ARHGAP22: variants seen among roughly 807,000 people sequenced by gnomAD.
ARHGAP22 encodes the protein rho GTPase-activating protein 22.
In ARHGAP22, 48 loss-of-function variants were observed where a neutral mutation model predicts 59.1. The ratio of observed to expected loss-of-function variants is 0.81; its 90% CI spans 0.64 to 1.03. The LOEUF is 1.03. Ranked by LOEUF, ARHGAP22 falls within the 50% of genes least tolerant of loss-of-function variation. ARHGAP22 has a pLI of 0.00. For synonymous variants in ARHGAP22, 445 were observed against 416.4 expected (o/e 1.07, Z -0.84); for missense variants, 1,015 against 958.7 (o/e 1.06, Z -0.78).
At chr10:48,623,392 G>T (rs2061347730) in intron 1 of ARHGAP22, among the ~76,000 whole-genome samples, 1 of 152,214 alleles carries the variant, frequency 6.6e-6, no homozygotes, top group African/African-American at 2.4e-5. Context: ...TCTTTGTCGA[G>T]AAAAGATTTC....
chr10:48,526,357 A>G (rs1303645696), intron 3 of ARHGAP22, among the ~76,000 whole-genome samples: 1 of 152,220 alleles, frequency 6.6e-6, no homozygotes, highest in Admixed American at 6.5e-5. Flanking sequence ...CCTCAGAAAG[A>G]CCAGGGTGAG....
intron 3 of ARHGAP22, among the ~76,000 whole-genome samples, chr10:48,520,901 A>G (rs1036606466): frequency 1.3e-5 from 2 of 152,148 alleles, no homozygotes; most frequent in African/African-American, 4.8e-5. Flanking sequence ...CCTGGAACAA[A>G]GCTGACTCCA....
At position 48,553,996 on chromosome 10, in the gene ARHGAP22, G is replaced by C. The variant is rs192348682; in HGVS notation, c.322+1467C>G. ...CACTACTTGCATTTCTTCTCTATCT[G>C]AATAGCTGAGGCCTTTTCTCCTGGT... On this transcript the variant is annotated intron_variant, in intron 3 of 9. Transcript: ENST00000249601. Among the ~76,000 whole-genome samples, 80 of 152,290 alleles carry C rather than the reference G, an allele frequency of 5.3e-4. 1 individual carries two copies. The highest frequency in any genetic ancestry group is 3.3e-3 in the South Asian group (16 of 4,826).
At chr10:48,543,508 A>G (rs553037339) in intron 3 of ARHGAP22, among the ~76,000 whole-genome samples, 8 of 152,344 alleles carry the variant, frequency 5.3e-5, no homozygotes, top group African/African-American at 1.9e-4. Context: ...AAGGAAAAAA[A>G]GTGCCATTAA....
chr10:48,435,251 G>GT, the ARHGAP22 span: 1 of 435,994 alleles, frequency 2.3e-6, no homozygotes, highest in African/African-American at 2.0e-5. Context: ...TTTTTTTGCT[G>GT]TAATTAACTG....
the ARHGAP22 span, among the ~76,000 whole-genome samples, chr10:48,440,217 A>T: frequency 1.1e-4 from 17 of 151,976 alleles, no homozygotes; most frequent in East Asian, 1.9e-4. Context: ...TTTAAGAAAA[A>T]TTTTTTTAGC....
rs529754818 is a variant in ARHGAP22, at chr10:48,495,134, G to A, written c.323-15370C>T. Among the ~76,000 whole-genome samples the A allele has an allele frequency of 1.4e-4, 21 of 152,328 alleles. No homozygotes were observed. In the South Asian group the frequency reaches 3.5e-3, roughly 26 times the overall value. Reference sequence around the variant, plus strand: ...AGGAATGTACGACTTATGAAGGAATGTATGACTGTTCTTCCTGGTGTCCCC... The same window carrying A: ...AGGAATGTACGACTTATGAAGGAATATATGACTGTTCTTCCTGGTGTCCCC... On this transcript the variant is annotated intron_variant, in intron 3 of 9. Transcript: ENST00000249601.
At chr10:48,451,760 A>T in intron 8 of ARHGAP22, 2 of 577,010 alleles carry the variant, frequency 3.5e-6, no homozygotes, top group South Asian at 4.0e-5. Flanking sequence ...AGCCTCCCCA[A>T]ATCCCCCAAC....
At chr10:48,655,068 C>CTCCTCTCCT (rs2062743906), upstream of ARHGAP22, among the ~76,000 whole-genome samples, 1 of 22,126 alleles carries the variant, frequency 4.5e-5, no homozygotes. Context: ...TTCCTTCCCT[C>CTCCTCTCCT]CTTCTCTTCT....
the ARHGAP22 span, among the ~76,000 whole-genome samples, chr10:48,433,708 A>G: frequency 6.6e-6 from 1 of 152,188 alleles, no homozygotes; most frequent in South Asian, 2.1e-4. Flanking sequence ...TTGCATTTGA[A>G]GAAAAGCTCA....
intron 3 of ARHGAP22, among the ~76,000 whole-genome samples, chr10:48,496,955 C>T (rs144942070): frequency 3.3e-4 from 50 of 152,246 alleles, no homozygotes; most frequent in African/African-American, 1.2e-3. Context: ...AATGGGTATA[C>T]CGGATTCCTT....
intron 2 of ARHGAP22, among the ~76,000 whole-genome samples, chr10:48,565,949 G>T (rs2058023316): frequency 6.6e-6 from 1 of 152,160 alleles, no homozygotes; most frequent in African/African-American, 2.4e-5. Flanking sequence ...CTGCTTCCTA[G>T]TGTGTGATGA....
Position 48,605,066 on chromosome 10 carries a change from C to T in ARHGAP22, c.-270G>A. 7.2e-7 allele frequency: 1 copy of T among 1,381,976 alleles called. No homozygotes were observed. The highest frequency in any genetic ancestry group is 9.4e-7 in the Non-Finnish European group (1 of 1,066,222). The allele number at this position is 1,381,976 out of a possible 1,614,324, so 85.6% of individuals were successfully genotyped here. A position where few individuals can be genotyped will look rare whatever the true frequency, so the allele number is the denominator to read the frequency against. Reference sequence around the variant, plus strand: ...TAAAGCCTCAGTAATCACTGCTGATCAATCACTGGACCAGGGCGGGGCAGT... The same window carrying T: ...TAAAGCCTCAGTAATCACTGCTGATTAATCACTGGACCAGGGCGGGGCAGT... On this transcript the variant is annotated 5_prime_UTR_variant, in exon 1 of 10. Coordinates refer to ENST00000249601, the MANE Select transcript of ARHGAP22 (RefSeq NM_021226.4).
intron 3 of ARHGAP22, among the ~76,000 whole-genome samples, chr10:48,483,415 T>C (rs1252712906): frequency 6.6e-6 from 1 of 152,220 alleles, no homozygotes; most frequent in Non-Finnish European, 1.5e-5. Context: ...TTCCTTTGGA[T>C]AAATACCAGC....
At chr10:48,501,783 G>A (rs1329970696) in intron 3 of ARHGAP22, among the ~76,000 whole-genome samples, 3 of 151,916 alleles carry the variant, frequency 2.0e-5, no homozygotes, top group Non-Finnish European at 2.9e-5. Context: ...GAAGTGATAC[G>A]GGATGCTCCG....
intron 9 of ARHGAP22, among the ~76,000 whole-genome samples, chr10:48,449,938 C>T (rs571297308): frequency 6.6e-6 from 1 of 152,344 alleles, no homozygotes; most frequent in South Asian, 2.1e-4. Context: ...AGGGGCCGCC[C>T]CCTCCCTGGC....
intron 9 of ARHGAP22, among the ~76,000 whole-genome samples, chr10:48,448,811 T>A (rs1215382025): frequency 1.3e-5 from 2 of 152,154 alleles, no homozygotes; most frequent in Non-Finnish European, 2.9e-5. Flanking sequence ...TCCCTTTTCC[T>A]CTGGGAACCT....
intron 3 of ARHGAP22, among the ~76,000 whole-genome samples, chr10:48,497,629 T>C (rs1186977957): frequency 6.6e-6 from 1 of 152,068 alleles, no homozygotes; most frequent in African/African-American, 2.4e-5. Flanking sequence ...AAAACAGCTC[T>C]GGAAAGAAGA....
chr10:48,451,482 G>A (rs776747658), intron 8 of ARHGAP22: 2 of 702,506 alleles, frequency 2.8e-6, no homozygotes, highest in South Asian at 1.5e-5. Context: ...TGGAACCTGG[G>A]ACCTGAGATG....
Sources: allele counts gnomAD v4.1 joint callset (sites outside exome capture counted in the v4.1 genomes callset), GRCh38; gene constraint gnomAD v4.1.1; transcripts MANE v1.5; gene names NCBI Gene and HGNC (gene_info 2026-07-23, HGNC 2026-07-21).